Variants in ASPRV1 observed in about 807,000 individuals in gnomAD.
ASPRV1 encodes retroviral-like aspartic protease 1.
In ASPRV1, 7 loss-of-function variants were observed where a neutral mutation model predicts 11.0. The ratio of observed to expected loss-of-function variants is 0.64; its 90% confidence interval spans 0.36 to 1.20. ASPRV1 has a LOEUF of 1.20. Ranked by LOEUF, ASPRV1 falls within the 50% of genes most tolerant of loss-of-function variation. The pLI is 0.02. For missense variants in ASPRV1, 299 were observed against 320.0 expected, an observed-to-expected ratio of 0.93 and a Z score of 0.50; for synonymous variants, 136 against 138.4, an observed-to-expected ratio of 0.98 and a Z score of 0.12.
chr2:69,965,540 G>A (rs1678311675), upstream of ASPRV1, among the ~76,000 whole-genome samples: 1 of 152,186 alleles, frequency 6.6e-6, no homozygotes. Context: ...TTCAAAGCGG[G>A]CAGGACACGT....
At chr2:70,073,171 G>A in the ASPRV1 span, 28 of 152,280 alleles carry the variant, frequency 1.8e-4, no homozygotes, top group African/African-American at 6.3e-4. Flanking sequence ...AAGAGAACTT[G>A]AAAGATCATT....
chr2:70,000,015 T>C, the ASPRV1 span, among the ~76,000 whole-genome samples: 2 of 152,192 alleles, frequency 1.3e-5, no homozygotes, highest in Non-Finnish European at 2.9e-5. Context: ...ACATCTGCAC[T>C]CTGGCAGGAG....
At chr2:70,030,616 A>G in the ASPRV1 span, 5 of 152,150 alleles carry the variant, frequency 3.3e-5, no homozygotes, top group African/African-American at 1.2e-4. Context: ...GAACCACACT[A>G]TTTAATTCTT....
chr2:70,026,703 G>A, the ASPRV1 span, among the ~76,000 whole-genome samples: 1 of 151,486 alleles, frequency 6.6e-6, no homozygotes, highest in Non-Finnish European at 1.5e-5. Context: ...AATTTAAGAG[G>A]ATACAAAAAA....
the ASPRV1 span, among the ~76,000 whole-genome samples, chr2:69,983,533 C>T: frequency 7.9e-5 from 12 of 152,082 alleles, no homozygotes; most frequent in African/African-American, 2.7e-4. Context: ...ACCTCCTGCT[C>T]GGGCCCAGCT....
the ASPRV1 span, among the ~76,000 whole-genome samples, chr2:69,934,221 T>C: frequency 2.6e-5 from 4 of 152,296 alleles, no homozygotes; most frequent in South Asian, 8.3e-4. Flanking sequence ...TATAAACAGT[T>C]AAGTGGTGCT....
At chr2:69,965,117 G>A (rs1003561926), upstream of ASPRV1, among the ~76,000 whole-genome samples, 5 of 152,082 alleles carry the variant, frequency 3.3e-5, no homozygotes, top group African/African-American at 1.2e-4. Context: ...GCGTGATCTC[G>A]GCTCACTGCA....
the ASPRV1 span, chr2:70,030,242 A>T: frequency 6.6e-6 from 1 of 152,248 alleles, no homozygotes; most frequent in East Asian, 1.9e-4. Context: ...GGGGGAAGGG[A>T]TGAAATGCAG....
the ASPRV1 span, among the ~76,000 whole-genome samples, chr2:69,952,368 T>G: frequency 1.3e-5 from 2 of 152,068 alleles, no homozygotes; most frequent in African/African-American, 4.8e-5. Context: ...AAATTAGGCA[T>G]GGTGGCCCAC....
the ASPRV1 span, among the ~76,000 whole-genome samples, chr2:69,989,159 G>A: frequency 6.6e-6 from 1 of 152,222 alleles, no homozygotes; most frequent in Non-Finnish European, 1.5e-5. Context: ...GGGCTGGAGG[G>A]TCAGTTTTCA....
the ASPRV1 span, among the ~76,000 whole-genome samples, chr2:70,028,080 G>A: frequency 6.6e-6 from 1 of 152,144 alleles, no homozygotes; most frequent in Non-Finnish European, 1.5e-5. Context: ...CATATCTAGT[G>A]AAATGATACC....
chr2:69,963,503 G>A (rs1399929798), upstream of ASPRV1: 3 of 449,656 alleles, frequency 6.7e-6, no homozygotes, highest in Admixed American at 4.7e-5. Flanking sequence ...CTGGTCCCCT[G>A]GAAGTGGAAA....
chr2:70,021,915 A>T, the ASPRV1 span, among the ~76,000 whole-genome samples: 1 of 150,866 alleles, frequency 6.6e-6, no homozygotes, highest in African/African-American at 2.4e-5. Context: ...CATGTTAGCC[A>T]AGATGGTCTC....
chr2:69,952,770 C>T, the ASPRV1 span, among the ~76,000 whole-genome samples: 1 of 152,108 alleles, frequency 6.6e-6, no homozygotes, highest in African/African-American at 2.4e-5. Context: ...TAGTCCCCCC[C>T]ATCCCCTATC....
chr2:69,941,800 A>G, the ASPRV1 span: 1 of 152,020 alleles, frequency 6.6e-6, no homozygotes, highest in African/African-American at 2.4e-5. Context: ...TTGTGGGCTT[A>G]TTTCTTCTTG....
the ASPRV1 span, among the ~76,000 whole-genome samples, chr2:69,944,164 C>CT: frequency 6.6e-6 from 1 of 152,218 alleles, no homozygotes. Context: ...GCTACGTTCT[C>CT]TAAAGCATCA....
At chr2:69,956,412 G>A (rs915908248), downstream of ASPRV1, among the ~76,000 whole-genome samples, 14 of 123,620 alleles carry the variant, frequency 1.1e-4, no homozygotes, top group Admixed American at 8.2e-4. Context: ...GCAAGACCCT[G>A]TGAAGAAGAA....
the ASPRV1 span, among the ~76,000 whole-genome samples, chr2:70,007,276 GGGAGGCTGAGGCGGGT>G: frequency 2.8e-4 from 42 of 152,342 alleles, no homozygotes; most frequent in Middle Eastern, 6.8e-3. Context: ...CCAGCACCTT[GGGAGGCTGAGGCGGGT>G]GGATCACCTG....
chr2:70,001,246 T>A, the ASPRV1 span, among the ~76,000 whole-genome samples: 6 of 152,278 alleles, frequency 3.9e-5, no homozygotes, highest in East Asian at 1.2e-3. Context: ...TTTCTGAAAC[T>A]GACATAAAGA....
Sources: allele counts gnomAD v4.1 joint callset (sites outside exome capture counted in the v4.1 genomes callset), GRCh38; gene constraint gnomAD v4.1.1; transcripts MANE v1.5; gene names NCBI Gene and HGNC (gene_info 2026-07-23, HGNC 2026-07-21).